Variants in TLN2 observed in about 807,000 individuals in gnomAD.
The protein encoded by TLN2 is talin 2, also known as talin-2.
A neutral mutation model predicts 294.7 loss-of-function variants in TLN2; 118 were observed. The observed-to-expected ratio is 0.40, with a 90% CI of 0.34 to 0.47. The LOEUF (loss-of-function observed/expected upper bound fraction) is 0.47. Ranked by LOEUF, TLN2 falls within the 20% of genes least tolerant of loss-of-function variation. The probability of loss-of-function intolerance (pLI) is 0.84; values close to 1 mark genes in which losing one functional copy is unlikely to be tolerated. For missense variants in TLN2, 3,083 were observed against 3,282.2 expected (o/e 0.94, Z 1.48); for synonymous variants, 1,431 against 1,304.5 (o/e 1.10, Z -2.09).
At chr15:62,822,429 C>T (rs72741215) in intron 54 of TLN2, among the ~76,000 whole-genome samples, 33,488 of 152,190 alleles carry the variant, frequency 0.22, 4,362 homozygotes, top group African/African-American at 0.37. Flanking sequence ...CGTTGTTCAG[C>T]TGCCAAGCCT....
At chr15:62,540,356 C>CTTTTT (rs11071674) in intron 1 of TLN2, among the ~76,000 whole-genome samples, 2 of 138,264 alleles carry the variant, frequency 1.4e-5, no homozygotes, top group African/African-American at 5.4e-5. Flanking sequence ...AATAAATAAA[C>CTTTTT]TTTTTTTTTT....
intron 33 of TLN2, among the ~76,000 whole-genome samples, chr15:62,749,443 T>C (rs1315669586): frequency 6.6e-6 from 1 of 152,256 alleles, no homozygotes; most frequent in African/African-American, 2.4e-5. Flanking sequence ...CCGTCCCTTA[T>C]TGATATCCTT....
At chr15:62,534,075 GCCTGAGGATCTGCATTTCCAACAGACT>G (rs1387350161) in intron 1 of TLN2, among the ~76,000 whole-genome samples, 1 of 152,142 alleles carries the variant, frequency 6.6e-6, no homozygotes, top group East Asian at 1.9e-4. Flanking sequence ...TCCAGTAGGA[GCCTGAGGATCTGCATTTCCAACAGACT>G]CCCAGGTCTA....
intron 54 of TLN2, chr15:62,829,748 A>G (rs964483391): frequency 1.3e-5 from 2 of 152,108 alleles, no homozygotes; most frequent in East Asian, 1.9e-4. Flanking sequence ...GTCTTATTCT[A>G]TTTTTTTGTA....
In TLN2 at chr15:62,564,917, A is replaced by ATAT. The variant is rs1262371986; in HGVS notation, c.-237-24770_-237-24769insTAT. Among the ~76,000 whole-genome samples, 1,224 of 124,482 alleles carry ATAT rather than the reference A, an allele frequency of 9.8e-3. 17 individuals are homozygous for ATAT. Among genetic ancestry groups the ATAT allele is most frequent in the African/African-American group, 0.036 (1,166 of 32,310 alleles). 81.7% of individuals were successfully genotyped at this position (124,482 alleles called of 152,430 possible). A position where few individuals can be genotyped will look rare whatever the true frequency, so the allele number is the denominator to read the frequency against. On this transcript the variant is annotated intron_variant, in intron 1 of 58. Coordinates refer to ENST00000636159, the MANE Select transcript of TLN2 (RefSeq NM_015059.3). ...AAAAACTCCATCTCAAAAAAAAAAA[A>ATAT]AAAAAAAAATATATATATATATATA... is the stretch of plus-strand genomic sequence containing the variant.
intron 1 of TLN2, among the ~76,000 whole-genome samples, chr15:62,529,561 T>TA (rs11312497): frequency 0.093 from 12,551 of 135,062 alleles, 719 homozygotes; most frequent in Non-Finnish European, 0.12. Context: ...CTTAAAAGCT[T>TA]AAAAAAAAAA....
intron 1 of TLN2, among the ~76,000 whole-genome samples, chr15:62,569,237 T>A (rs1294739523): frequency 6.6e-6 from 1 of 152,216 alleles, no homozygotes; most frequent in African/African-American, 2.4e-5. Flanking sequence ...TCTGCAAATA[T>A]CATTTTCCAA....
intron 9 of TLN2, among the ~76,000 whole-genome samples, chr15:62,659,066 G>A (rs1193705618): frequency 6.6e-6 from 1 of 152,172 alleles, no homozygotes. Flanking sequence ...CTCCCTGGTA[G>A]GAAGGCGATC....
chr15:62,538,533 G>A (rs2041492431), intron 1 of TLN2, among the ~76,000 whole-genome samples: 1 of 152,154 alleles, frequency 6.6e-6, no homozygotes, highest in Non-Finnish European at 1.5e-5. Context: ...TGGGACATAG[G>A]TACATATAGC....
intron 1 of TLN2, among the ~76,000 whole-genome samples, chr15:62,476,709 C>T (rs1038561950): frequency 5.3e-5 from 8 of 152,224 alleles, no homozygotes; most frequent in Middle Eastern, 3.2e-3. Flanking sequence ...GACCACTTTC[C>T]TCTCTTTCAC....
chr15:62,795,991 C>G, intron 46 of TLN2, 136 bp from the exon 47 acceptor site: 1 of 1,134,554 alleles, frequency 8.8e-7, no homozygotes, highest in Non-Finnish European at 1.2e-6. Flanking sequence ...AGACTGAGGC[C>G]GTTGACTCCA....
rs1307209236 is a variant in TLN2, at chr15:62,651,996, G to C, written c.235-9G>C. The stretch of plus-strand genomic sequence containing the variant: ...ACAGTGTGAAATTTGTATGTGGTTT[G>C]TGCTCTAGGATATTTTGGAATATAA... On this transcript the variant is annotated splice_polypyrimidine_tract_variant and intron_variant, in intron 5 of 58. Coordinates refer to ENST00000636159, the MANE Select transcript of TLN2 (RefSeq NM_015059.3). 1 of 1,596,348 alleles carries C rather than the reference G, an allele frequency of 6.3e-7. No individual in the cohort carries two copies. Among genetic ancestry groups the C allele is most frequent in the Admixed American group, 1.7e-5 (1 of 58,776 alleles).
intron 43 of TLN2, among the ~76,000 whole-genome samples, chr15:62,780,886 G>A (rs370440771): frequency 6.6e-6 from 1 of 152,016 alleles, no homozygotes; most frequent in African/African-American, 2.4e-5. Flanking sequence ...AAGACTTGGC[G>A]GAAACATCAC....
rs2032511011 is a variant in TLN2 at position 62,395,952 on chromosome 15, A to G, written c.-238+5267A>G. On this transcript the variant is annotated intron_variant, in intron 1 of 58. Transcript: ENST00000636159. ...CTGGGTTCAAGTGATTCTCCTGCCT[A>G]GGCTTCCCGAGTAGCTGGAATTACA... Among the ~76,000 whole-genome samples the G allele has an allele frequency of 2.0e-5, 3 of 151,918 alleles. No homozygotes were observed. In the South Asian group the frequency reaches 6.2e-4, roughly 32 times the overall value.
At chr15:62,676,036 A>G (rs377389486) in intron 11 of TLN2, among the ~76,000 whole-genome samples, 1 of 152,166 alleles carries the variant, frequency 6.6e-6, no homozygotes, top group African/African-American at 2.4e-5. Flanking sequence ...AGAAAGCTCT[A>G]ACTTATAGTC....
chr15:62,603,187 CG>C (rs2047147337), intron 2 of TLN2, among the ~76,000 whole-genome samples: 1 of 152,150 alleles, frequency 6.6e-6, no homozygotes. Context: ...CCACCGCGCC[CG>C]GCCGAGGCGT....
chr15:62,399,804 C>T (rs2032885169), intron 1 of TLN2, among the ~76,000 whole-genome samples: 1 of 152,142 alleles, frequency 6.6e-6, no homozygotes, highest in Non-Finnish European at 1.5e-5. Flanking sequence ...AACTAACTTG[C>T]TTTTGATTTT....
intron 3 of TLN2, among the ~76,000 whole-genome samples, chr15:62,622,981 C>G (rs2048965872): frequency 6.6e-6 from 1 of 152,216 alleles, no homozygotes; most frequent in Non-Finnish European, 1.5e-5. Context: ...ACAGCTGGCC[C>G]TGAGTGCCAG....
intron 3 of TLN2, among the ~76,000 whole-genome samples, chr15:62,634,367 T>G (rs1290340582): frequency 2.0e-5 from 3 of 152,236 alleles, no homozygotes; most frequent in Non-Finnish European, 4.4e-5. Flanking sequence ...GTTCTTCTGT[T>G]ATTTTTCCAG....
Sources: allele counts gnomAD v4.1 joint callset (sites outside exome capture counted in the v4.1 genomes callset), GRCh38; gene constraint gnomAD v4.1.1; transcripts MANE v1.5; gene names NCBI Gene and HGNC (gene_info 2026-07-23, HGNC 2026-07-21).